Variants in FGGY observed in about 807,000 individuals in gnomAD.
FGGY encodes the protein FGGY carbohydrate kinase domain containing, also known as FGGY carbohydrate kinase domain-containing protein.
In FGGY, 72 loss-of-function variants were observed where a neutral mutation model predicts 71.3. The ratio of observed to expected loss-of-function variants is 1.01; its 90% CI spans 0.84 to 1.23. The LOEUF is 1.23. FGGY is among the 50% of genes most tolerant of loss of function. The probability of loss-of-function intolerance (pLI) is 0.00; values close to 1 mark genes in which losing one functional copy is unlikely to be tolerated. For missense variants in FGGY, 668 were observed against 682.3 expected (o/e 0.98, Z 0.23); for synonymous variants, 251 against 250.3 (o/e 1.00, Z -0.02).
chr1:59,435,509 C>T (rs2068237838), intron 5 of FGGY, among the ~76,000 whole-genome samples: 1 of 152,132 alleles, frequency 6.6e-6, no homozygotes, highest in Admixed American at 6.5e-5. Flanking sequence ...CTTGCCCGCC[C>T]CTCATGCTCT....
intron 12 of FGGY, among the ~76,000 whole-genome samples, chr1:59,664,423 G>A (rs1033861758): frequency 1.3e-5 from 2 of 152,216 alleles, no homozygotes; most frequent in Admixed American, 6.5e-5. Context: ...AGCCCCTCTC[G>A]AGGGAGTGCC....
chr1:59,669,642 G>C (rs1006703432), intron 13 of FGGY, among the ~76,000 whole-genome samples: 2 of 134,710 alleles, frequency 1.5e-5, no homozygotes, highest in Admixed American at 8.7e-5. Context: ...TGATCCACCC[G>C]CCTTGGCCTC....
intron 1 of FGGY, among the ~76,000 whole-genome samples, chr1:59,317,156 A>T (rs1244157467): frequency 6.6e-6 from 1 of 152,226 alleles, no homozygotes; most frequent in African/African-American, 2.4e-5. Flanking sequence ...ATGGAGTCAC[A>T]TGGTGATCTG....
intron 8 of FGGY, among the ~76,000 whole-genome samples, chr1:59,603,226 T>C (rs928009623): frequency 6.6e-6 from 1 of 152,228 alleles, no homozygotes; most frequent in African/African-American, 2.4e-5. Flanking sequence ...GCTTAGTGTT[T>C]TAGCTCTTTG....
intron 14 of FGGY, chr1:59,733,332 C>G (rs547884807): frequency 6.5e-6 from 1 of 154,020 alleles, no homozygotes; most frequent in Non-Finnish European, 1.5e-5. Flanking sequence ...TCACTACCCT[C>G]GGGAAACTGG....
At chr1:59,394,857 C>A (rs1006276972) in intron 5 of FGGY, among the ~76,000 whole-genome samples, 2 of 152,058 alleles carry the variant, frequency 1.3e-5, no homozygotes, top group Non-Finnish European at 2.9e-5. Context: ...TCCTGCTGGT[C>A]CTTATCACTC....
chr1:59,322,557 A>T (rs1352066416), intron 2 of FGGY, among the ~76,000 whole-genome samples: 5 of 152,264 alleles, frequency 3.3e-5, no homozygotes, highest in African/African-American at 9.6e-5. Flanking sequence ...ACAAATGAGG[A>T]TGAGAGGAAC....
chr1:59,459,785 C>T (rs1317978667), intron 6 of FGGY, among the ~76,000 whole-genome samples: 3 of 152,150 alleles, frequency 2.0e-5, no homozygotes, highest in Non-Finnish European at 2.9e-5. Context: ...CAGCATGCCG[C>T]GGTTGCCTTT....
At chr1:59,753,947 G>T (rs2098268960) in intron 14 of FGGY, among the ~76,000 whole-genome samples, 1 of 152,088 alleles carries the variant, frequency 6.6e-6, no homozygotes, top group African/African-American at 2.4e-5. Context: ...GTGAGATGTA[G>T]CCAAAATTCA....
chr1:59,360,332 G>A (rs577162924), intron 4 of FGGY, among the ~76,000 whole-genome samples: 59 of 152,190 alleles, frequency 3.9e-4, no homozygotes, highest in African/African-American at 1.4e-3. Flanking sequence ...CAGTTGTCTT[G>A]GCATGAGGCT....
chr1:59,643,097 A>G (rs1429695553), intron 11 of FGGY, among the ~76,000 whole-genome samples: 2 of 152,084 alleles, frequency 1.3e-5, no homozygotes, highest in Admixed American at 1.3e-4. Flanking sequence ...GTGAACACTT[A>G]AAGGAAAGCC....
intron 14 of FGGY, among the ~76,000 whole-genome samples, chr1:59,725,064 T>C (rs1318285801): frequency 6.6e-6 from 1 of 152,218 alleles, no homozygotes; most frequent in Non-Finnish European, 1.5e-5. Flanking sequence ...TTTTTCCTGT[T>C]ATCTTCTAGA....
chr1:59,490,289 A>G (rs757860945), intron 6 of FGGY, among the ~76,000 whole-genome samples: 2 of 152,226 alleles, frequency 1.3e-5, no homozygotes, highest in African/African-American at 2.4e-5. Flanking sequence ...GCCTCAAGCA[A>G]TCCTCCAGTG....
chr1:59,748,570 G>A (rs770832017), intron 14 of FGGY, among the ~76,000 whole-genome samples: 2 of 152,210 alleles, frequency 1.3e-5, no homozygotes, highest in Non-Finnish European at 2.9e-5. Flanking sequence ...AGCAGGGCAT[G>A]AGATGAGACT....
intron 14 of FGGY, among the ~76,000 whole-genome samples, chr1:59,676,028 A>G (rs1279737231): frequency 6.6e-6 from 1 of 152,116 alleles, no homozygotes; most frequent in African/African-American, 2.4e-5. Flanking sequence ...ATAGGCCAAA[A>G]GAGGGCTCCC....
chr1:59,479,367 A>T (rs1414592069), intron 6 of FGGY, among the ~76,000 whole-genome samples: 2 of 152,168 alleles, frequency 1.3e-5, no homozygotes, highest in Non-Finnish European at 2.9e-5. Context: ...TTGTTGGAAG[A>T]TGGAGATTTG....
intron 9 of FGGY, among the ~76,000 whole-genome samples, chr1:59,613,929 C>G (rs1321573239): frequency 6.6e-6 from 1 of 152,074 alleles, no homozygotes; most frequent in Non-Finnish European, 1.5e-5. Flanking sequence ...ACACATATAC[C>G]CTCCCAAGAC....
rs2054001113 is a variant in FGGY, at chr1:59,354,882, T to G, written c.465+8484T>G. Among the ~76,000 whole-genome samples, 3 of 152,320 alleles carry G rather than the reference T, an allele frequency of 2.0e-5. No homozygotes were observed. The South Asian group carries it at 6.2e-4, about 32-fold the overall frequency. On this transcript the variant is annotated intron_variant, in intron 4 of 15. Transcript: ENST00000303721. The stretch of plus-strand genomic sequence containing the variant: ...TGTGGGCCTCTCTTGGGAGTTTTTG[T>G]TTGACCTGAATGATGAGATAGGAAG...
At chr1:59,625,901 A>C in intron 9 of FGGY, 87 bp from the exon 10 acceptor site, 1 of 1,007,210 alleles carries the variant, frequency 9.9e-7, no homozygotes, top group Non-Finnish European at 1.4e-6. Context: ...AGTTGAAAGA[A>C]ACATATACTC....
Sources: allele counts gnomAD v4.1 joint callset (sites outside exome capture counted in the v4.1 genomes callset), GRCh38; gene constraint gnomAD v4.1.1; transcripts MANE v1.5; gene names NCBI Gene and HGNC (gene_info 2026-07-23, HGNC 2026-07-21).